Variants in MYLK3 observed in about 807,000 individuals in gnomAD.
The protein encoded by MYLK3 is myosin light chain kinase 3.
In MYLK3, 55 loss-of-function variants were observed where a neutral mutation model predicts 76.3. That is an observed-to-expected ratio of 0.72 (90% CI 0.58 to 0.90). The LOEUF (loss-of-function observed/expected upper bound fraction) is 0.90, where lower values mean the gene tolerates loss of function less well. Among genes scored for constraint, MYLK3 ranks in the 40% least tolerant of loss-of-function variants. The pLI is 0.00. For synonymous variants in MYLK3, 416 were observed against 425.4 expected (o/e 0.98, Z 0.27); for missense variants, 973 against 1,053.6 (o/e 0.92, Z 1.06).
chr16:46,720,396 T>G (rs1335907223), intron 9 of MYLK3, among the ~76,000 whole-genome samples: 1 of 151,944 alleles, frequency 6.6e-6, no homozygotes, highest in African/African-American at 2.4e-5. Context: ...GATGAGGTCT[T>G]GCTGTGTTGC....
At chr16:46,735,745 G>C (rs550427118) in intron 3 of MYLK3, among the ~76,000 whole-genome samples, 1 of 152,298 alleles carries the variant, frequency 6.6e-6, no homozygotes, top group East Asian at 1.9e-4. Flanking sequence ...ATCTAACTCA[G>C]GCCTCCTGCC....
At chr16:46,716,085 C>T (rs907353486) in intron 9 of MYLK3, among the ~76,000 whole-genome samples, 2 of 152,186 alleles carry the variant, frequency 1.3e-5, no homozygotes, top group East Asian at 1.9e-4. Context: ...CCCGGCCCCA[C>T]GGAGTGCGGT....
Position 46,727,384 on chromosome 16 carries a change from G to T in MYLK3, c.1773-7C>A. On this transcript the variant is annotated splice_polypyrimidine_tract_variant and splice_region_variant and intron_variant, in intron 7 of 12. Coordinates refer to ENST00000394809, the MANE Select transcript of MYLK3 (RefSeq NM_182493.3). ...GAGCTCACCCCCGTCCACGCTGCCA[G>T]AGCAAAGGGAGAGGCAGGCACCAGC... 3 of 1,600,918 alleles carry T rather than the reference G, an allele frequency of 1.9e-6. No individual in the cohort carries two copies. The South Asian group carries it at 3.3e-5, about 18-fold the overall frequency.
Position 46,729,065 on chromosome 16 carries a change from G to A in MYLK3, c.1731C>T (p.Asp577=), listed in dbSNP as rs747900006. The change falls in exon 7 of 13, where the codon GAC becomes GAT. Residue 577 remains aspartate, a synonymous_variant. Transcript: ENST00000394809. ...TGCAGCTGTGCTTGCTCTCGAAGGC[G>A]TCATAGAGCTGGATCAGGTTCACGT... The part of the protein sequence containing the change: ...LSHVNLIQLY[D]AFESKHSCTL... The A allele has an allele frequency of 8.7e-6, 14 of 1,614,034 alleles. No homozygotes were observed. Among genetic ancestry groups the A allele is most frequent in the East Asian group, 4.5e-5 (2 of 44,900 alleles).
chr16:46,709,221 A>C (rs965057872), intron 12 of MYLK3, among the ~76,000 whole-genome samples: 2 of 152,180 alleles, frequency 1.3e-5, no homozygotes, highest in African/African-American at 4.8e-5. Flanking sequence ...CAGGAGTTCA[A>C]GACCATCCTA....
At position 46,736,927 on chromosome 16, in the gene MYLK3, C is replaced by T. The variant is rs1413084164; in HGVS notation, c.1001+784G>A. 5.9e-5 allele frequency among the ~76,000 whole-genome samples: 9 copies of T among 152,164 alleles called. No homozygotes were observed. The South Asian group carries it at 1.0e-3, about 17-fold the overall frequency. On this transcript the variant is annotated intron_variant, in intron 3 of 12. Transcript: ENST00000394809. ...TACTCTGCTACAGACATCTGCCTGC[C>T]GAGAGCAGGTCCTCAGGCTGCGTTC...
At position 46,709,664 on chromosome 16, in the gene MYLK3, T is replaced by G; in HGVS notation, c.2275A>C (p.Met759Leu). The G allele has an allele frequency of 6.2e-7, 1 of 1,610,366 alleles. No homozygotes were observed. ...RLLVKEKSCR[M>L]SATQCLKHEW... is the part of the protein sequence containing the mutation. ...TGTTTCAGGCACTGTGTGGCACTCATTCTGCAGCTGTGAAATCAAAGAGCA... is the reference window on the plus strand; with the variant it reads ...TGTTTCAGGCACTGTGTGGCACTCAGTCTGCAGCTGTGAAATCAAAGAGCA... The change falls in exon 12 of 13, where the codon ATG becomes CTG. Residue 759 changes from methionine to leucine, a missense_variant. Physicochemically the swap from Met to Leu is conservative, Grantham distance 15. Transcript: ENST00000394809.
At chr16:46,726,820 G>A (rs779854158) in intron 8 of MYLK3, 4 of 153,592 alleles carry the variant, frequency 2.6e-5, no homozygotes, top group Non-Finnish European at 5.8e-5. Flanking sequence ...CTCCTTTTGT[G>A]TGTCTGTGAG....
chr16:46,748,885 T>TC (rs1027255882), upstream of MYLK3, among the ~76,000 whole-genome samples: 4 of 152,214 alleles, frequency 2.6e-5, no homozygotes, highest in African/African-American at 9.6e-5. The surrounding 1 kb of genome is among the most constrained non-coding windows in gnomAD (Gnocchi z 4.3). Flanking sequence ...CAGTGACTAG[T>TC]CCCTTGTACC....
chr16:46,757,844 C>G lies in MYLK3; in HGVS notation c.-114+5196G>C, dbSNP rs533267417. Among the ~76,000 whole-genome samples the G allele has an allele frequency of 9.2e-4, 140 of 152,326 alleles. 2 individuals are homozygous for G. Among genetic ancestry groups the G allele is most frequent in the South Asian group, 2.5e-3 (12 of 4,826 alleles). ...GGAATGAAGGGAGGGAGTCCTCGGG[C>G]AGAACTGACCTGAGTTCAAAACCCC... On this transcript the variant is annotated intron_variant, in intron 1 of 11. Coordinates refer to the MYLK3 transcript ENST00000536476.
At chr16:46,740,698 T>A (rs867573298) in intron 1 of MYLK3, among the ~76,000 whole-genome samples, 1 of 151,616 alleles carries the variant, frequency 6.6e-6, no homozygotes, top group African/African-American at 2.4e-5. Flanking sequence ...ACTACAGGCA[T>A]GGGCCAACAT....
At position 46,710,795 on chromosome 16, in the gene MYLK3, G is replaced by C; in HGVS notation, c.2115-6C>G. On this transcript the variant is annotated splice_polypyrimidine_tract_variant and splice_region_variant and intron_variant, in intron 10 of 12. Transcript: ENST00000394809. ...ATGGGGACAAGCCACTGAGTCTATAGAAGAGAGAAAGGACCATCAGTAGGT... is the reference window on the plus strand; with the variant it reads ...ATGGGGACAAGCCACTGAGTCTATACAAGAGAGAAAGGACCATCAGTAGGT... The C allele has an allele frequency of 6.2e-7, 1 of 1,614,056 alleles. No homozygotes were observed. Among genetic ancestry groups the C allele is most frequent in the Non-Finnish European group, 8.5e-7 (1 of 1,180,022 alleles).
chr16:46,723,650 C>CTTTTT (rs34270947), intron 8 of MYLK3, among the ~76,000 whole-genome samples: 2 of 130,524 alleles, frequency 1.5e-5, no homozygotes, highest in Non-Finnish European at 1.6e-5. Flanking sequence ...CTAGCTGATG[C>CTTTTT]TTTTTTTTTT....
At chr16:46,710,175 TG>T (rs1301998438) in intron 11 of MYLK3, among the ~76,000 whole-genome samples, 1 of 152,224 alleles carries the variant, frequency 6.6e-6, no homozygotes, top group Admixed American at 6.5e-5. Context: ...GCCTTAGCCT[TG>T]GGTGGTTAAT....
chr16:46,727,723 C>T (rs1191900386), intron 7 of MYLK3, among the ~76,000 whole-genome samples: 1 of 152,192 alleles, frequency 6.6e-6, no homozygotes, highest in Non-Finnish European at 1.5e-5. Flanking sequence ...GACAGGGTTT[C>T]ACCATGTCGG....
intron 7 of MYLK3, among the ~76,000 whole-genome samples, chr16:46,728,619 G>A (rs981317016): frequency 5.6e-4 from 85 of 152,206 alleles, no homozygotes; most frequent in African/African-American, 1.8e-3. Flanking sequence ...TTCATGGGAG[G>A]CTACAGTGGG....
At chr16:46,719,048 G>A (rs1026382007) in intron 9 of MYLK3, among the ~76,000 whole-genome samples, 1 of 151,910 alleles carries the variant, frequency 6.6e-6, no homozygotes, top group Non-Finnish European at 1.5e-5. Context: ...TATGTGATTC[G>A]GCCTGCCGTG....
chr16:46,732,109 G>T, intron 4 of MYLK3, 99 bp downstream of exon 4: 2 of 1,048,704 alleles, frequency 1.9e-6, no homozygotes, highest in South Asian at 1.7e-5. Context: ...AGACTCATAT[G>T]ATCTACCCCT....
intron 8 of MYLK3, chr16:46,726,677 G>GAAAGAA (rs1399934871): frequency 1.7e-5 from 1 of 59,426 alleles, no homozygotes; most frequent in Non-Finnish European, 3.4e-5. Context: ...GAAAGAAAGA[G>GAAAGAA]AAAGAAAGAA....
Sources: gnomAD v4.1 joint callset for allele counts (sites outside exome capture counted in the v4.1 genomes callset) on GRCh38, gnomAD v4.1.1 for gene constraint, Gnocchi (gnomAD v3.1) non-coding constraint, MANE v1.5 for transcripts, NCBI Gene and HGNC (gene_info 2026-07-23, HGNC 2026-07-21) for gene names.